FAM135A: variants seen among roughly 807,000 people sequenced by gnomAD.
FAM135A encodes the protein protein FAM135A.
Under a neutral mutation model 146.8 loss-of-function variants are expected in FAM135A, and 79 were observed. The observed-to-expected ratio is 0.54, with a 90% confidence interval of 0.45 to 0.65. The LOEUF is 0.65. Ranked by LOEUF, FAM135A falls within the 30% of genes least tolerant of loss-of-function variation. The pLI is 0.00. For missense variants in FAM135A, 1,623 were observed against 1,758.2 expected (o/e 0.92, Z 1.38); for synonymous variants, 562 against 603.6 (o/e 0.93, Z 1.01).
chr6:70,452,922 T>G, intron 5 of FAM135A, among the ~76,000 whole-genome samples: 1 of 152,234 alleles, frequency 6.6e-6, no homozygotes, highest in East Asian at 1.9e-4. Flanking sequence ...GATAAAGTTT[T>G]ATGGTATGCA....
rs113801542 is a variant in FAM135A at position 70,511,834 on chromosome 6, A to G, written c.1029+9043A>G. On this transcript the variant is annotated intron_variant, in intron 12 of 21. Transcript: ENST00000418814. ...TAATACAGCCTGTTACTCCTACGCT[A>G]CAAACCTGTACAGCATGTGACTGTA... 7.9e-3 allele frequency among the ~76,000 whole-genome samples: 1,198 copies of G among 152,032 alleles called. 10 individuals are homozygous for G. Among genetic ancestry groups the G allele is most frequent in the Non-Finnish European group, 0.013 (893 of 67,832 alleles).
intron 21 of FAM135A, among the ~76,000 whole-genome samples, chr6:70,558,825 C>CA (rs1562043684): frequency 6.6e-6 from 1 of 151,546 alleles, no homozygotes; most frequent in Non-Finnish European, 1.5e-5. Context: ...TCTCCAAAAA[C>CA]AAAAAAAGAA....
intron 4 of FAM135A, among the ~76,000 whole-genome samples, chr6:70,429,123 A>G (rs1402768202): frequency 2.0e-5 from 3 of 152,336 alleles, no homozygotes; most frequent in Non-Finnish European, 2.9e-5. Flanking sequence ...TAGGCAAAGT[A>G]TAAAGTGAAA....
At chr6:70,544,475 C>A (rs1258787189) in intron 20 of FAM135A, among the ~76,000 whole-genome samples, 1 of 152,052 alleles carries the variant, frequency 6.6e-6, no homozygotes, top group East Asian at 1.9e-4. Flanking sequence ...TTGCAGTGAA[C>A]CGAGATCTCG....
chr6:70,433,162 C>T (rs1279950580), intron 4 of FAM135A, among the ~76,000 whole-genome samples: 3 of 151,782 alleles, frequency 2.0e-5, no homozygotes, highest in Non-Finnish European at 4.4e-5. Flanking sequence ...GCAAGCTCCG[C>T]CTCCCGGGTT....
At chr6:70,441,617 T>C (rs918676241) in intron 4 of FAM135A, among the ~76,000 whole-genome samples, 1 of 152,108 alleles carries the variant, frequency 6.6e-6, no homozygotes. Context: ...GAAATCATAA[T>C]GTATATACTA....
chr6:70,484,988 TATTTA>T (rs1390539749), intron 10 of FAM135A, among the ~76,000 whole-genome samples: 1 of 152,242 alleles, frequency 6.6e-6, no homozygotes, highest in Non-Finnish European at 1.5e-5. Flanking sequence ...AGTGCCCTTA[TATTTA>T]ATTTCAGAAG....
chr6:70,531,212 C>A (rs1201966780), intron 16 of FAM135A, among the ~76,000 whole-genome samples: 1 of 152,188 alleles, frequency 6.6e-6, no homozygotes, highest in Non-Finnish European at 1.5e-5. Context: ...CTTTGGTCCT[C>A]CAGAAAGTCA....
chr6:70,428,960 T>C (rs889834052), intron 4 of FAM135A, among the ~76,000 whole-genome samples: 1 of 152,202 alleles, frequency 6.6e-6, no homozygotes, highest in East Asian at 1.9e-4. Context: ...ATGGTACCTA[T>C]AAAGCAATGT....
intron 5 of FAM135A, among the ~76,000 whole-genome samples, chr6:70,472,960 G>C (rs1052691085): frequency 2.6e-5 from 4 of 152,038 alleles, no homozygotes; most frequent in African/African-American, 9.7e-5. Flanking sequence ...TCTCTTCCCA[G>C]CTTCTCCGCT....
intron 3 of FAM135A, among the ~76,000 whole-genome samples, chr6:70,426,946 C>G (rs1009005574): frequency 4.6e-5 from 7 of 152,100 alleles, no homozygotes; most frequent in African/African-American, 1.4e-4. Flanking sequence ...TAAGATTGTT[C>G]ATTATACAAA....
At chr6:70,420,380 G>A (rs1449291741) in intron 2 of FAM135A, among the ~76,000 whole-genome samples, 1 of 152,196 alleles carries the variant, frequency 6.6e-6, no homozygotes, top group African/African-American at 2.4e-5. Context: ...AAGCACTCAT[G>A]AATTCTGACT....
At chr6:70,484,630 G>A (rs866477038) in intron 10 of FAM135A, among the ~76,000 whole-genome samples, 1 of 152,112 alleles carries the variant, frequency 6.6e-6, no homozygotes, top group Non-Finnish European at 1.5e-5. Context: ...CTCATAAGGA[G>A]CATGCAACCT....
intron 16 of FAM135A, among the ~76,000 whole-genome samples, chr6:70,532,098 G>C (rs1795932601): frequency 6.6e-6 from 1 of 151,516 alleles, no homozygotes; most frequent in Non-Finnish European, 1.5e-5. Context: ...GGCTGGTCTT[G>C]ATCTCCTGAC....
At chr6:70,532,493 A>G (rs1056622100) in intron 16 of FAM135A, among the ~76,000 whole-genome samples, 2 of 152,202 alleles carry the variant, frequency 1.3e-5, no homozygotes, top group African/African-American at 4.8e-5. Flanking sequence ...ATGCATTCAC[A>G]GTTTGCTGTA....
At position 70,475,449 on chromosome 6, in the gene FAM135A, T is replaced by A. The variant is rs1380732170; in HGVS notation, c.197T>A (p.Leu66Gln). 6.2e-7 allele frequency: 1 copy of A among 1,603,550 alleles called. No individual in the cohort carries two copies. The highest frequency in any genetic ancestry group is 1.7e-5 in the Admixed American group (1 of 58,606). ...LAFPASVHDSLICSKTFQILY... is the reference protein window; with the variant it reads ...LAFPASVHDSQICSKTFQILY... ...TTTCCAGCCTCAGTTCATGATTCTCTAATTTGCAGTAAAACATTTCAAATT... is the reference window on the plus strand; with the variant it reads ...TTTCCAGCCTCAGTTCATGATTCTCAAATTTGCAGTAAAACATTTCAAATT... Residue 66 changes from leucine to glutamine, a missense_variant, in exon 6 of 22, where the codon CTA becomes CAA. Leu to Gln is a moderately radical substitution (Grantham distance 113). This residue lies in a region of FAM135A where 171 missense variants were observed against 164.9 expected (regional missense o/e 1.04). Coordinates refer to ENST00000418814, the MANE Select transcript of FAM135A (RefSeq NM_001162529.3).
At chr6:70,557,618 C>T (rs1225804443) in intron 21 of FAM135A, 4 of 138,596 alleles carry the variant, frequency 2.9e-5, no homozygotes, top group Admixed American at 2.4e-4. Context: ...AGCTTGAACC[C>T]GGGAGGGAAA....
intron 4 of FAM135A, among the ~76,000 whole-genome samples, chr6:70,448,642 G>A (rs926474286): frequency 5.3e-5 from 8 of 152,128 alleles, no homozygotes; most frequent in African/African-American, 1.7e-4. Flanking sequence ...GAAATCAGGA[G>A]TCTCACAGCC....
chr6:70,426,891 A>G (rs1328445671), intron 3 of FAM135A: 2 of 152,212 alleles, frequency 1.3e-5, no homozygotes, highest in East Asian at 3.8e-4. Context: ...AGAACAGTAG[A>G]CAAATCTGCC....
Sources: allele counts gnomAD v4.1 joint callset (sites outside exome capture counted in the v4.1 genomes callset), GRCh38; gene constraint gnomAD v4.1.1; regional missense constraint gnomAD v4.1.1; transcripts MANE v1.5; gene names NCBI Gene and HGNC (gene_info 2026-07-23, HGNC 2026-07-21).